The following NCOA7 variants were observed in gnomAD, a reference collection of about 807,000 sequenced individuals.
The protein encoded by NCOA7 is 140 kDa estrogen receptor-associated protein.
Under a neutral mutation model 104.3 loss-of-function variants are expected in NCOA7, and 45 were observed. The ratio of observed to expected loss-of-function variants is 0.43; its 90% CI spans 0.34 to 0.55. The LOEUF (loss-of-function observed/expected upper bound fraction) is 0.55, where lower values mean the gene tolerates loss of function less well. NCOA7 is among the 20% of genes least tolerant of loss of function. The probability of loss-of-function intolerance (pLI) is 0.02; values close to 1 mark genes in which losing one functional copy is unlikely to be tolerated. For missense variants in NCOA7, 1,041 were observed against 1,119.7 expected (o/e 0.93, Z 1.00); for synonymous variants, 398 against 402.3 (o/e 0.99, Z 0.13).
chr6:125,855,656 C>T (rs1272197513), intron 3 of NCOA7: 1 of 149,002 alleles, frequency 6.7e-6, no homozygotes, highest in Admixed American at 6.6e-5. Context: ...GTTAAAAAAA[C>T]AAAAACAAAA....
chr6:125,783,054 G>T (rs1005565017), intron 1 of NCOA7, among the ~76,000 whole-genome samples: 2 of 152,198 alleles, frequency 1.3e-5, no homozygotes, highest in African/African-American at 2.4e-5. Flanking sequence ...ACAAGCCAAG[G>T]AATGCAGGCG....
chr6:125,857,410 T>G (rs1301893008), intron 3 of NCOA7, among the ~76,000 whole-genome samples: 4 of 149,200 alleles, frequency 2.7e-5, no homozygotes, highest in Non-Finnish European at 4.4e-5. Context: ...GCTATATATA[T>G]ACACATACAC....
Position 125,882,525 on chromosome 6 carries a change from A to G in NCOA7, c.673A>G (p.Asn225Asp). ...EPGVVKFLKMNCRYFTDGKGV... is the reference protein window; with the variant it reads ...EPGVVKFLKMDCRYFTDGKGV... ...AGGTGTGGTGAAATTTTTAAAAATG[A>G]ATTGTCGATACTTCACCGATGGAAA... is the stretch of plus-strand genomic sequence containing the variant. The change falls in exon 7 of 16, where the codon AAT becomes GAT. Residue 225 changes from asparagine to aspartate, a missense_variant. Around this residue, in one of 2 missense-constraint regions of NCOA7, gnomAD observed 914 missense variants for 942.7 expected, o/e 0.97. Transcript: ENST00000392477. 1.2e-6 allele frequency: 2 copies of G among 1,613,376 alleles called. No homozygotes were observed. The highest frequency in any genetic ancestry group is 8.5e-7 in the Non-Finnish European group (1 of 1,179,638).
intron 11 of NCOA7, among the ~76,000 whole-genome samples, chr6:125,918,523 A>G (rs1787277289): frequency 6.6e-6 from 1 of 152,226 alleles, no homozygotes; most frequent in Non-Finnish European, 1.5e-5. Flanking sequence ...CTGAAAGGCC[A>G]CTTCGGATCT....
intron 1 of NCOA7, chr6:125,810,061 T>G (rs1276114066): frequency 3.3e-5 from 5 of 152,224 alleles, no homozygotes; most frequent in African/African-American, 1.2e-4. Flanking sequence ...TTCAATAACC[T>G]TTGGAGCCAG....
At position 125,781,392 on chromosome 6, in the gene NCOA7, C is replaced by G. The variant is rs1374384865; in HGVS notation, c.-142+21C>G. 5 of 150,174 alleles carry G rather than the reference C, an allele frequency of 3.3e-5. 1 individual carries two copies. Among genetic ancestry groups the G allele is most frequent in the Non-Finnish European group, 7.4e-5 (5 of 68,012 alleles). 9.3% of individuals were successfully genotyped at this position (150,174 alleles called of 1,614,324 possible). On this transcript the variant is annotated intron_variant, in intron 1 of 16. Transcript: ENST00000368357. ...ATTAGGTGAGCCTGTGCTTGAATCT[C>G]GTTTCTTTTTTTTCAGCAGCTCAGA...
At chr6:125,896,628 C>CA (rs974040125) in intron 10 of NCOA7, among the ~76,000 whole-genome samples, 16 of 151,902 alleles carry the variant, frequency 1.1e-4, no homozygotes, top group South Asian at 8.3e-4. Flanking sequence ...CACATCTCTA[C>CA]AAAAAAATAC....
intron 1 of NCOA7, among the ~76,000 whole-genome samples, chr6:125,799,735 C>T (rs1775714575): frequency 6.6e-6 from 1 of 152,122 alleles, no homozygotes; most frequent in African/African-American, 2.4e-5. Flanking sequence ...AACCGCTTTG[C>T]CGGGCCAGTT....
In NCOA7 at chr6:125,874,917, A is replaced by G; in HGVS notation, c.300A>G (p.Lys100=). The part of the protein sequence containing the change: ...IDDNQNKTHD[K]KEKKMVVQKP... Reference sequence around the variant, plus strand: ...ACAATCAAAACAAAACACATGATAAAAAAGAGAAGAAGATGGTGGTTCAGA... The same window carrying G: ...ACAATCAAAACAAAACACATGATAAGAAAGAGAAGAAGATGGTGGTTCAGA... Residue 100 remains lysine, a synonymous_variant, in exon 4 of 16, where the codon AAA becomes AAG. Coordinates refer to ENST00000392477, the MANE Select transcript of NCOA7 (RefSeq NM_181782.5). 5 of 1,613,662 alleles carry G rather than the reference A, an allele frequency of 3.1e-6. No homozygotes were observed. The highest frequency in any genetic ancestry group is 4.2e-6 in the Non-Finnish European group (5 of 1,179,592).
intron 6 of NCOA7, among the ~76,000 whole-genome samples, chr6:125,882,145 C>T (rs1399756061): frequency 3.9e-5 from 6 of 152,148 alleles, no homozygotes; most frequent in Non-Finnish European, 5.9e-5. Flanking sequence ...TGAGCCACCA[C>T]ACCCAGCCCA....
chr6:125,845,944 C>A (rs1256208454), intron 2 of NCOA7, among the ~76,000 whole-genome samples: 4 of 152,014 alleles, frequency 2.6e-5, no homozygotes, highest in Non-Finnish European at 4.4e-5. Flanking sequence ...TGTTTTACAT[C>A]TTTTTTTCAT....
At chr6:125,799,182 G>T (rs1775633989) in intron 1 of NCOA7, among the ~76,000 whole-genome samples, 1 of 152,076 alleles carries the variant, frequency 6.6e-6, no homozygotes, top group Admixed American at 6.6e-5. Context: ...CATGAACTTG[G>T]CACTTCAGTG....
chr6:125,925,641 C>A (rs1343006033), intron 13 of NCOA7, among the ~76,000 whole-genome samples: 2 of 152,106 alleles, frequency 1.3e-5, no homozygotes, highest in African/African-American at 2.4e-5. Flanking sequence ...GTATATATTA[C>A]AAATATAGCA....
chr6:125,861,729 G>C (rs1433919953), intron 3 of NCOA7, among the ~76,000 whole-genome samples: 6 of 152,084 alleles, frequency 3.9e-5, no homozygotes, highest in Non-Finnish European at 5.9e-5. Context: ...ATGCAGTGTG[G>C]CTGAAGGAAT....
At chr6:125,828,245 T>C (rs992725284) in intron 2 of NCOA7, among the ~76,000 whole-genome samples, 2 of 152,234 alleles carry the variant, frequency 1.3e-5, no homozygotes, top group African/African-American at 4.8e-5. Flanking sequence ...ATAGAATCAC[T>C]GCAGCTGAGA....
upstream of NCOA7, among the ~76,000 whole-genome samples, chr6:125,790,001 C>G (rs1774681075): frequency 6.6e-6 from 1 of 152,210 alleles, no homozygotes; most frequent in South Asian, 2.1e-4. Flanking sequence ...ATGGGGAGCT[C>G]ACAGGCACAG....
chr6:125,814,097 A>T (rs1318979501), intron 1 of NCOA7, among the ~76,000 whole-genome samples: 1 of 152,128 alleles, frequency 6.6e-6, no homozygotes, highest in Non-Finnish European at 1.5e-5. Context: ...TGTTTATTGA[A>T]TTGAAATGAA....
At chr6:125,854,146 A>C (rs1341135165) in intron 2 of NCOA7, among the ~76,000 whole-genome samples, 2 of 152,218 alleles carry the variant, frequency 1.3e-5, no homozygotes, top group Non-Finnish European at 2.9e-5. Context: ...TTTAAAATAC[A>C]TATTTATATA....
chr6:125,849,076 G>A (rs538300479), intron 2 of NCOA7, among the ~76,000 whole-genome samples: 31 of 152,314 alleles, frequency 2.0e-4, no homozygotes, highest in Non-Finnish European at 3.4e-4. Flanking sequence ...TGTGTGCCAT[G>A]TAAGAAAGGA....
Sources: allele counts gnomAD v4.1 joint callset (sites outside exome capture counted in the v4.1 genomes callset), GRCh38; gene constraint gnomAD v4.1.1; regional missense constraint gnomAD v4.1.1; transcripts MANE v1.5; gene names NCBI Gene and HGNC (gene_info 2026-07-23, HGNC 2026-07-21).